Variants in CDH2 observed in about 807,000 individuals in gnomAD.
CDH2 encodes cadherin 2.
In CDH2, 17 loss-of-function variants were observed where a neutral mutation model predicts 92.0. The ratio of observed to expected loss-of-function variants is 0.18; its 90% CI spans 0.13 to 0.28. The LOEUF (loss-of-function observed/expected upper bound fraction) is 0.28, where lower values mean the gene tolerates loss of function less well. Among genes scored for constraint, CDH2 ranks in the 10% least tolerant of loss-of-function variants. The pLI, the probability that CDH2 is intolerant of heterozygous loss-of-function variation, is 1.00. For synonymous variants in CDH2, 419 were observed against 415.9 expected (o/e 1.01, Z -0.09); for missense variants, 862 against 1,133.1 (o/e 0.76, Z 3.44).
intron 2 of CDH2, among the ~76,000 whole-genome samples, chr18:28,107,629 A>G (rs139788535): frequency 0.012 from 1,838 of 152,256 alleles, 47 homozygotes; most frequent in African/African-American, 0.042. Flanking sequence ...ACAAATAAGC[A>G]TATTAGAGCT....
At chr18:28,074,212 A>G (rs943636938) in intron 2 of CDH2, among the ~76,000 whole-genome samples, 1 of 152,200 alleles carries the variant, frequency 6.6e-6, no homozygotes, top group Non-Finnish European at 1.5e-5. Flanking sequence ...GCAAAGATCA[A>G]ATGAGGCCAT....
At chr18:27,976,169 T>TG (rs1439944534) in intron 14 of CDH2, among the ~76,000 whole-genome samples, 1 of 152,152 alleles carries the variant, frequency 6.6e-6, no homozygotes, top group Non-Finnish European at 1.5e-5. Flanking sequence ...AGCTTTAAGG[T>TG]GGGGCTTTGA....
intron 2 of CDH2, among the ~76,000 whole-genome samples, chr18:28,120,871 T>C (rs999580442): frequency 6.6e-6 from 1 of 152,140 alleles, no homozygotes; most frequent in Non-Finnish European, 1.5e-5. Flanking sequence ...GAAAATGATC[T>C]TAAACTCTTA....
In CDH2 at chr18:27,939,120, C is replaced by T. The variant is rs146490645; in HGVS notation, c.1152-5996G>A. Among the ~76,000 whole-genome samples, 12 of 152,086 alleles carry T rather than the reference C, an allele frequency of 7.9e-5. No individual in the cohort carries two copies. The East Asian group carries it at 2.1e-3, about 27-fold the overall frequency. On this transcript the variant is annotated intron_variant, in intron 6 of 6. Coordinates refer to the CDH2 transcript ENST00000675173. ...TCCCATGTCTTTTATTTCCTGGGCT[C>T]CTTCCTCTCAATTTGGCTCTACATG...
chr18:28,016,639 A>C (rs1567965489), intron 2 of CDH2, among the ~76,000 whole-genome samples: 1 of 152,174 alleles, frequency 6.6e-6, no homozygotes, highest in African/African-American at 2.4e-5. Flanking sequence ...TGAAAACTTC[A>C]AGTCATCTAT....
At chr18:28,134,293 G>A (rs1045825333) in intron 2 of CDH2, among the ~76,000 whole-genome samples, 1 of 152,038 alleles carries the variant, frequency 6.6e-6, no homozygotes, top group Non-Finnish European at 1.5e-5. Flanking sequence ...TTAAATAGAA[G>A]ACATTCGTGG....
chr18:27,998,496 G>A (rs984488090), intron 7 of CDH2, among the ~76,000 whole-genome samples: 2 of 152,166 alleles, frequency 1.3e-5, no homozygotes, highest in Admixed American at 6.5e-5. Flanking sequence ...AATCCACTAC[G>A]TGAGTGCCCT....
intron 1 of CDH2, among the ~76,000 whole-genome samples, chr18:28,162,774 C>A (rs948207420): frequency 4.6e-5 from 7 of 152,216 alleles, no homozygotes; most frequent in African/African-American, 1.7e-4. Flanking sequence ...AGCCACCTCA[C>A]AACAGTGTGC....
intron 2 of CDH2, among the ~76,000 whole-genome samples, chr18:28,069,772 A>C (rs1176128009): frequency 1.3e-5 from 2 of 152,010 alleles, no homozygotes; most frequent in East Asian, 1.9e-4. Flanking sequence ...TCACCACCAT[A>C]ATGACCCTGA....
intron 1 of CDH2, among the ~76,000 whole-genome samples, chr18:28,150,192 A>G (rs1231233): frequency 0.074 from 11,333 of 152,238 alleles, 745 homozygotes; most frequent in African/African-American, 0.17. Context: ...AGAGCAGTGA[A>G]GCATGGCAGG....
chr18:28,132,842 A>G (rs148416486), intron 2 of CDH2, among the ~76,000 whole-genome samples: 2 of 152,314 alleles, frequency 1.3e-5, no homozygotes, highest in African/African-American at 4.8e-5. Flanking sequence ...TAACTGCTTA[A>G]TTCTCCTGCA....
intron 2 of CDH2, among the ~76,000 whole-genome samples, chr18:28,074,085 T>C (rs916203596): frequency 6.6e-6 from 1 of 152,222 alleles, no homozygotes; most frequent in East Asian, 1.9e-4. Context: ...TTTATTCATA[T>C]AATAATTTTT....
intron 6 of CDH2, among the ~76,000 whole-genome samples, chr18:28,004,223 C>T (rs1233511332): frequency 6.6e-6 from 1 of 152,192 alleles, no homozygotes; most frequent in African/African-American, 2.4e-5. Flanking sequence ...TAAGCTCCAA[C>T]AGGGCAGGAA....
Position 28,140,319 on chromosome 18 carries a change from T to C in CDH2, c.172+7354A>G, listed in dbSNP as rs115787282. Among the ~76,000 whole-genome samples the C allele has an allele frequency of 4.4e-3, 663 of 152,078 alleles. 2 individuals carry two copies. The highest frequency in any genetic ancestry group is 0.015 in the African/African-American group (628 of 41,516). On this transcript the variant is annotated intron_variant, in intron 2 of 15. Coordinates refer to ENST00000269141, the MANE Select transcript of CDH2 (RefSeq NM_001792.5). ...AAAAAACAGGTAGGTTGAACTTCAT[T>C]AAAATTAAAAACATTTGTGCATCAA...
intron 1 of CDH2, among the ~76,000 whole-genome samples, chr18:28,166,162 AT>A: frequency 7.2e-6 from 1 of 138,008 alleles, no homozygotes; most frequent in East Asian, 2.1e-4. Flanking sequence ...ATATATATAT[AT>A]ATATATATAT....
chr18:28,117,969 C>T (rs1055068827), intron 2 of CDH2, among the ~76,000 whole-genome samples: 1 of 152,042 alleles, frequency 6.6e-6, no homozygotes, highest in African/African-American at 2.4e-5. Flanking sequence ...AACTTAAGGG[C>T]TTCATCTGAC....
intron 2 of CDH2, among the ~76,000 whole-genome samples, chr18:28,060,375 C>T (rs940053437): frequency 6.6e-6 from 1 of 152,012 alleles, no homozygotes; most frequent in Non-Finnish European, 1.5e-5. Flanking sequence ...TTAGTAGAGA[C>T]GAGGTTTCAC....
At chr18:27,973,134 C>T (rs1803416746) in intron 14 of CDH2, among the ~76,000 whole-genome samples, 1 of 152,098 alleles carries the variant, frequency 6.6e-6, no homozygotes, top group Admixed American at 6.5e-5. Flanking sequence ...CCATCTCAGG[C>T]ACTTGGACTT....
chr18:28,108,548 G>C (rs953407820), intron 2 of CDH2, among the ~76,000 whole-genome samples: 6 of 152,102 alleles, frequency 3.9e-5, no homozygotes, highest in Non-Finnish European at 7.4e-5. Context: ...ACACATTTGT[G>C]TCCCTGTAAC....
Sources: allele counts gnomAD v4.1 joint callset (sites outside exome capture counted in the v4.1 genomes callset), GRCh38; gene constraint gnomAD v4.1.1; transcripts MANE v1.5; gene names NCBI Gene and HGNC (gene_info 2026-07-23, HGNC 2026-07-21).